Variants in OR5M8 observed in about 807,000 individuals in gnomAD.
OR5M8 encodes olfactory receptor 5M8.
For missense variants in OR5M8, 445 were observed against 379.3 expected (o/e 1.17, Z -1.44); for synonymous variants, 163 against 141.5 (o/e 1.15, Z -1.08).
In OR5M8 at chr11:56,491,245, A is replaced by G. The variant is rs1389722819; in HGVS notation, c.126T>C (p.Leu42=). The part of the protein sequence containing the change: ...AIYMVTVAGN[L]GMIVLIQANA... The stretch of plus-strand genomic sequence containing the variant: ...TGGCCTGGATGAGGACAATCATGCC[A>G]AGGTTCCCTGCCACCGTGACCATGT... Residue 42 remains leucine, a synonymous_variant, in exon 1 of 1, where the codon CTT becomes CTC. Coordinates refer to ENST00000327216, the MANE Select transcript of OR5M8 (RefSeq NM_001005282.1). 1.9e-6 allele frequency: 3 copies of G among 1,614,190 alleles called. No homozygotes were observed. Among genetic ancestry groups the G allele is most frequent in the African/African-American group, 2.7e-5 (2 of 75,058 alleles).
At position 56,490,824 on chromosome 11, in the gene OR5M8, G is replaced by T; in HGVS notation, c.547C>A (p.Leu183Met). The T allele has an allele frequency of 6.2e-7, 1 of 1,614,188 alleles. No homozygotes were observed. Among genetic ancestry groups the T allele is most frequent in the Non-Finnish European group, 8.5e-7 (1 of 1,180,020 alleles). ...INHFYCADPP[L>M]IKLACSDTYN... ...GTGTCAGAACAAGCCAGCTTAATCA[G>T]TGGTGGGTCCGCACAGTAGAAGTGA... is the stretch of plus-strand genomic sequence containing the variant. Residue 183 changes from leucine to methionine, a missense_variant, in exon 1 of 1, where the codon CTG (leucine) becomes ATG (methionine). Physicochemically the swap from Leu to Met is conservative, Grantham distance 15. Transcript: ENST00000327216.
Position 56,491,280 on chromosome 11 carries a change from G to C in OR5M8, c.91C>G (p.Leu31Val). Residue 31 changes from leucine to valine, a missense_variant, in exon 1 of 1, where the codon CTG (leucine) becomes GTG (valine). Physicochemically the swap from Leu to Val is conservative, Grantham distance 32 (BLOSUM62 1). Transcript: ENST00000327216. The part of the protein sequence containing the change: ...ELQILLFTLF[L>V]AIYMVTVAGN... The stretch of plus-strand genomic sequence containing the variant: ...GCCACCGTGACCATGTAAATGGCCA[G>C]AAACAGCGTGAAGAGGAGAATTTGT... The C allele has an allele frequency of 6.2e-7, 1 of 1,614,086 alleles. No homozygotes were observed. The highest frequency in any genetic ancestry group is 8.5e-7 in the Non-Finnish European group (1 of 1,179,968).
rs137871700 is a variant in OR5M8 at position 56,491,353 on chromosome 11, C to G, written c.18G>C (p.Thr6=). MRRNC[T]LVTEFILLGL... Reference sequence around the variant, plus strand: ...CCAGGAGAATGAACTCAGTCACCAACGTGCAGTTTCTTCTCATAATTTCCT... The same window carrying G: ...CCAGGAGAATGAACTCAGTCACCAAGGTGCAGTTTCTTCTCATAATTTCCT... The change falls in exon 1 of 1, where the codon ACG becomes ACC. Residue 6 remains threonine (T), a synonymous_variant. Coordinates refer to ENST00000327216, the MANE Select transcript of OR5M8 (RefSeq NM_001005282.1). 1 of 1,585,306 alleles carries G rather than the reference C, an allele frequency of 6.3e-7. No homozygotes were observed.
chr11:56,491,338 G>A lies in OR5M8; in HGVS notation c.33C>T (p.Phe11=). 2 of 1,601,864 alleles carry A rather than the reference G, an allele frequency of 1.2e-6. No homozygotes were observed. The highest frequency in any genetic ancestry group is 1.1e-5 in the South Asian group (1 of 89,514). The change falls in exon 1 of 1, where the codon TTC becomes TTT. Residue 11 remains phenylalanine (F), a synonymous_variant. Transcript: ENST00000327216. MRRNCTLVTE[F]ILLGLTSRRE... ...GGCGACTGGTCAGTCCCAGGAGAATGAACTCAGTCACCAACGTGCAGTTTC... is the reference window on the plus strand; with the variant it reads ...GGCGACTGGTCAGTCCCAGGAGAATAAACTCAGTCACCAACGTGCAGTTTC...
rs1292297407 is a variant in OR5M8 at position 56,490,628 on chromosome 11, G to C, written c.743C>G (p.Thr248Ser). 2.5e-6 allele frequency: 4 copies of C among 1,614,036 alleles called. No homozygotes were observed. The highest frequency in any genetic ancestry group is 2.5e-6 in the Non-Finnish European group (3 of 1,179,976). Residue 248 changes from threonine (T) to serine (S), a missense_variant, in exon 1 of 1, where the codon ACT (threonine) becomes AGT (serine). By Grantham distance (58) the Thr-to-Ser change is moderately conservative. Coordinates refer to ENST00000327216, the MANE Select transcript of OR5M8 (RefSeq NM_001005282.1). ...STCGSHLTAV[T>S]IFYATLFFMY... The stretch of plus-strand genomic sequence containing the variant: ...GAAGAAAAGGGTTGCATAGAATATA[G>C]TGACAGCTGTCAGATGGGAGCCACA...
rs1466446350 is a variant in OR5M8 at position 56,490,564 on chromosome 11, C to G, written c.807G>C (p.Gln269His). The stretch of plus-strand genomic sequence containing the variant: ...TATAAAATACAGCTACCATTTTACC[C>G]TGTTCAACAGATTCCTTTGAGGGGG... ...LRPPSKESVEQGKMVAVFYTT... is the reference protein window; with the variant it reads ...LRPPSKESVEHGKMVAVFYTT... The change falls in exon 1 of 1, where the codon CAG becomes CAC. Residue 269 changes from glutamine (Q) to histidine (H), a missense_variant. Transcript: ENST00000327216. The G allele has an allele frequency of 1.2e-6, 2 of 1,613,412 alleles. No homozygotes were observed. The highest frequency in any genetic ancestry group is 4.5e-5 in the East Asian group (2 of 44,882).
chr11:56,490,959 T>A lies in OR5M8; in HGVS notation c.412A>T (p.Ser138Cys), dbSNP rs1351766547. 2 of 1,613,956 alleles carry A rather than the reference T, an allele frequency of 1.2e-6. No individual in the cohort carries two copies. The highest frequency in any genetic ancestry group is 1.7e-6 in the Non-Finnish European group (2 of 1,179,994). ...ACCGTGATGAGGAAGGAGCACACAC[T>A]CTTGGACATTCTGCTGCCATAAAGC... ...PLLYGSRMSK[S>C]VCSFLITVPY... Residue 138 changes from serine to cysteine, a missense_variant, in exon 1 of 1, where the codon AGT becomes TGT. Physicochemically the swap from Ser to Cys is moderately radical, Grantham distance 112. Coordinates refer to ENST00000327216, the MANE Select transcript of OR5M8 (RefSeq NM_001005282.1).
rs1347374322 is a variant in OR5M8, at chr11:56,491,339, A to G, written c.32T>C (p.Phe11Ser). MRRNCTLVTE[F>S]ILLGLTSRRE... Reference sequence around the variant, plus strand: ...GCGACTGGTCAGTCCCAGGAGAATGAACTCAGTCACCAACGTGCAGTTTCT... The same window carrying G: ...GCGACTGGTCAGTCCCAGGAGAATGGACTCAGTCACCAACGTGCAGTTTCT... Residue 11 changes from phenylalanine to serine, a missense_variant, in exon 1 of 1, where the codon TTC becomes TCC. Phe to Ser is a radical substitution (Grantham distance 155, BLOSUM62 -2). Transcript: ENST00000327216. 6.2e-7 allele frequency: 1 copy of G among 1,601,312 alleles called. No individual in the cohort carries two copies. The highest frequency in any genetic ancestry group is 1.7e-5 in the Admixed American group (1 of 57,576).
At position 56,491,129 on chromosome 11, in the gene OR5M8, A is replaced by C; in HGVS notation, c.242T>G (p.Leu81Arg). ...TTTCTTCTCTGAAAGGAAAATCTCC[A>C]GCATCTTTGGAGTCACATTGGAAGA... ...CFSSNVTPKM[L>R]EIFLSEKKSI... is the part of the protein sequence containing the mutation. Residue 81 changes from leucine to arginine, a missense_variant, in exon 1 of 1, where the codon CTG becomes CGG. Coordinates refer to ENST00000327216, the MANE Select transcript of OR5M8 (RefSeq NM_001005282.1). 6.2e-7 allele frequency: 1 copy of C among 1,614,194 alleles called. No homozygotes were observed. The highest frequency in any genetic ancestry group is 8.5e-7 in the Non-Finnish European group (1 of 1,179,996).
rs1370371421 is a variant in OR5M8, at chr11:56,491,202, G to A, written c.169C>T (p.Pro57Ser). The A allele has an allele frequency of 2.5e-6, 4 of 1,614,196 alleles. No individual in the cohort carries two copies. Among genetic ancestry groups the A allele is most frequent in the Non-Finnish European group, 3.4e-6 (4 of 1,180,026 alleles). Residue 57 changes from proline to serine, a missense_variant, in exon 1 of 1, where the codon CCC becomes TCC. Physicochemically the swap from Pro to Ser is moderately conservative, Grantham distance 74 (BLOSUM62 -1). Transcript: ENST00000327216. ...LIQANAWLHMPMYFFLSHLSF... is the reference protein window; with the variant it reads ...LIQANAWLHMSMYFFLSHLSF... The stretch of plus-strand genomic sequence containing the variant: ...AAGTGGCTCAGGAAAAAGTACATGG[G>A]CATGTGGAGCCAGGCGTTGGCCTGG...
In OR5M8 at chr11:56,490,554, C is replaced by T; in HGVS notation, c.817G>A (p.Val273Ile). Residue 273 changes from valine (V) to isoleucine (I), a missense_variant, in exon 1 of 1, where the codon GTA (valine) becomes ATA (isoleucine). Transcript: ENST00000327216. ...SKESVEQGKM[V>I]AVFYTTVIPM... Reference sequence around the variant, plus strand: ...ATTACTGTGGTATAAAATACAGCTACCATTTTACCCTGTTCAACAGATTCC... The same window carrying T: ...ATTACTGTGGTATAAAATACAGCTATCATTTTACCCTGTTCAACAGATTCC... 1.6e-5 allele frequency: 26 copies of T among 1,612,076 alleles called. No individual in the cohort carries two copies. Among genetic ancestry groups the T allele is most frequent in the Non-Finnish European group, 2.2e-5 (26 of 1,178,206 alleles).
chr11:56,490,792 G>C lies in OR5M8; in HGVS notation c.579C>G (p.Asn193Lys). 1.2e-6 allele frequency: 2 copies of C among 1,613,974 alleles called. No individual in the cohort carries two copies. The highest frequency in any genetic ancestry group is 1.7e-6 in the Non-Finnish European group (2 of 1,179,824). ...CCACAATAAACATTGACAACTCCTT[G>C]TTGTAGGTGTCAGAACAAGCCAGCT... ...LIKLACSDTY[N>K]KELSMFIVAG... The change falls in exon 1 of 1, where the codon AAC (asparagine) becomes AAG (lysine). Residue 193 changes from asparagine (N) to lysine (K), a missense_variant. By Grantham distance (94) the Asn-to-Lys change is moderately conservative. Coordinates refer to ENST00000327216, the MANE Select transcript of OR5M8 (RefSeq NM_001005282.1).
rs550927900 is a variant in OR5M8 at position 56,491,169 on chromosome 11, C to G, written c.202G>C (p.Val68Leu). ...MYFFLSHLSF[V>L]DLCFSSNVTP... ...ACATTGGAAGAGAAGCACAGATCCA[C>G]GAAGGATAAGTGGCTCAGGAAAAAG... Residue 68 changes from valine (V) to leucine (L), a missense_variant, in exon 1 of 1, where the codon GTG (valine) becomes CTG (leucine). Coordinates refer to ENST00000327216, the MANE Select transcript of OR5M8 (RefSeq NM_001005282.1). 2.5e-5 allele frequency: 40 copies of G among 1,614,122 alleles called. No individual in the cohort carries two copies. Among genetic ancestry groups the G allele is most frequent in the East Asian group, 4.5e-5 (2 of 44,870 alleles).
Position 56,491,336 on chromosome 11 carries a change from A to G in OR5M8, c.35T>C (p.Ile12Thr), listed in dbSNP as rs1421860165. The G allele has an allele frequency of 1.5e-5, 24 of 1,602,532 alleles. No individual in the cohort carries two copies. The highest frequency in any genetic ancestry group is 2.0e-5 in the Non-Finnish European group (24 of 1,174,710). ...CCGGCGACTGGTCAGTCCCAGGAGA[A>G]TGAACTCAGTCACCAACGTGCAGTT... ...RRNCTLVTEF[I>T]LLGLTSRREL... Residue 12 changes from isoleucine to threonine, a missense_variant, in exon 1 of 1, where the codon ATT becomes ACT. Ile to Thr is a moderately conservative substitution (Grantham distance 89). Transcript: ENST00000327216.
At position 56,491,241 on chromosome 11, in the gene OR5M8, T is replaced by C. The variant is rs761531436; in HGVS notation, c.130A>G (p.Met44Val). The stretch of plus-strand genomic sequence containing the variant: ...GCGTTGGCCTGGATGAGGACAATCA[T>C]GCCAAGGTTCCCTGCCACCGTGACC... ...YMVTVAGNLG[M>V]IVLIQANAWL... The change falls in exon 1 of 1, where the codon ATG becomes GTG. Residue 44 changes from methionine (M) to valine (V), a missense_variant. Coordinates refer to ENST00000327216, the MANE Select transcript of OR5M8 (RefSeq NM_001005282.1). The C allele has an allele frequency of 6.8e-6, 11 of 1,614,062 alleles. No homozygotes were observed. The African/African-American group carries it at 1.5e-4, about 22-fold the overall frequency.
rs760237003 is a variant in OR5M8, at chr11:56,490,584, A to AG, written c.786dup (p.Ser263LeufsTer6). The stretch of plus-strand genomic sequence containing the variant: ...TTACCCTGTTCAACAGATTCCTTTG[A>AG]GGGGGGTCTGAGATACATGAAGAAA... On this transcript the variant is annotated frameshift_variant, in exon 1 of 1. Transcript: ENST00000327216. LOFTEE classifies it low-confidence loss of function (END_TRUNC). The AG allele has an allele frequency of 1.2e-6, 2 of 1,614,012 alleles. No homozygotes were observed. Among genetic ancestry groups the AG allele is most frequent in the East Asian group, 2.2e-5 (1 of 44,880 alleles).
Position 56,490,465 on chromosome 11 carries a change from TTTGA to T in OR5M8, c.902_905del (p.Ile301LysfsTer5). The T allele has an allele frequency of 6.4e-7, 1 of 1,567,618 alleles. No homozygotes were observed. The highest frequency in any genetic ancestry group is 8.8e-7 in the Non-Finnish European group (1 of 1,140,838). On this transcript the variant is annotated frameshift_variant, in exon 1 of 1. Coordinates refer to ENST00000327216, the MANE Select transcript of OR5M8 (RefSeq NM_001005282.1). LOFTEE classifies it low-confidence loss of function (END_TRUNC). Reference sequence around the variant, plus strand: ...AAAAGTATATCTTCATTGACAGCTCTTTGATTAATGCTTCTTTTACATTTTTATT... The same window carrying T: ...AAAAGTATATCTTCATTGACAGCTCTTTAATGCTTCTTTTACATTTTTATT...
At position 56,490,598 on chromosome 11, in the gene OR5M8, T is replaced by C. The variant is rs752292743; in HGVS notation, c.773A>G (p.Tyr258Cys). Reference sequence around the variant, plus strand: ...AGATTCCTTTGAGGGGGGTCTGAGATACATGAAGAAAAGGGTTGCATAGAA... The same window carrying C: ...AGATTCCTTTGAGGGGGGTCTGAGACACATGAAGAAAAGGGTTGCATAGAA... ...TIFYATLFFM[Y>C]LRPPSKESVE... The change falls in exon 1 of 1, where the codon TAT (tyrosine) becomes TGT (cysteine). Residue 258 changes from tyrosine to cysteine, a missense_variant. Transcript: ENST00000327216. 3.7e-6 allele frequency: 6 copies of C among 1,613,966 alleles called. No homozygotes were observed. The highest frequency in any genetic ancestry group is 4.2e-6 in the Non-Finnish European group (5 of 1,179,968).
chr11:56,490,490 T>G lies in OR5M8; in HGVS notation c.881A>C (p.Lys294Thr). ...LNLIIYSLRN[K>T]NVKEALIKEL... The stretch of plus-strand genomic sequence containing the variant: ...TTTGATTAATGCTTCTTTTACATTT[T>G]TATTTCTAAGGCTATAAATTATAAG... Residue 294 changes from lysine (K) to threonine (T), a missense_variant, in exon 1 of 1, where the codon AAA becomes ACA. Physicochemically the swap from Lys to Thr is moderately conservative, Grantham distance 78. Coordinates refer to ENST00000327216, the MANE Select transcript of OR5M8 (RefSeq NM_001005282.1). The G allele has an allele frequency of 1.3e-6, 2 of 1,583,520 alleles. No homozygotes were observed. Among genetic ancestry groups the G allele is most frequent in the Non-Finnish European group, 1.7e-6 (2 of 1,154,532 alleles).
Sources: gnomAD v4.1 joint callset for allele counts on GRCh38, gnomAD v4.1.1 for gene constraint, MANE v1.5 for transcripts, NCBI Gene and HGNC (gene_info 2026-07-23, HGNC 2026-07-21) for gene names.